TLE4: variants seen among roughly 807,000 people sequenced by gnomAD.
TLE4 encodes transducin-like enhancer protein 4.
TLE4 carries 8 observed loss-of-function variants against 92.8 expected under a neutral mutation model. The ratio of observed to expected loss-of-function variants is 0.09; its 90% CI spans 0.05 to 0.16. The LOEUF (loss-of-function observed/expected upper bound fraction) is 0.16. TLE4 is among the 10% of genes least tolerant of loss of function. TLE4 has a pLI of 1.00. For missense variants in TLE4, 675 were observed against 997.6 expected (o/e 0.68, Z 4.36); for synonymous variants, 371 against 374.1 (o/e 0.99, Z 0.10).
chr9:79,717,473 C>T (rs970601917), intron 14 of TLE4, among the ~76,000 whole-genome samples: 9 of 152,178 alleles, frequency 5.9e-5, no homozygotes, highest in African/African-American at 1.7e-4. Flanking sequence ...TCTTCTACAA[C>T]GCTCTGTAGT....
chr9:79,698,771 T>TG, intron 8 of TLE4, among the ~76,000 whole-genome samples: 1 of 151,952 alleles, frequency 6.6e-6, no homozygotes, highest in East Asian at 1.9e-4. Context: ...ATGTGTTATG[T>TG]GTTAGTATGT....
rs1239158278 is a variant in TLE4, at chr9:79,720,482, T to TA, written c.1838+194dup. 2.6e-5 allele frequency among the ~76,000 whole-genome samples: 4 copies of TA among 151,960 alleles called. No homozygotes were observed. In the East Asian group the frequency reaches 7.7e-4, roughly 29 times the overall value. On this transcript the variant is annotated intron_variant, in intron 16 of 19. Coordinates refer to ENST00000376552, the MANE Select transcript of TLE4 (RefSeq NM_007005.6). ...TCAGAACAGGTCCATTTTAAGATGT[T>TA]AAAAATAAATTATCAGTGTGAAAAT...
intron 8 of TLE4, among the ~76,000 whole-genome samples, chr9:79,666,217 G>GTT (rs1162655919): frequency 1.4e-4 from 9 of 65,636 alleles, no homozygotes; most frequent in African/African-American, 3.0e-4. Flanking sequence ...TTTTTTTTTT[G>GTT]TTTTTTTTTT....
chr9:79,627,536 G>T, intron 6 of TLE4, 88 bp downstream of exon 6: 1 of 1,346,840 alleles, frequency 7.4e-7, no homozygotes, highest in Non-Finnish European at 1.0e-6. Flanking sequence ...CCGCCAAAGG[G>T]GCAAAAAGCA....
chr9:79,713,170 G>A (rs1039902229), intron 14 of TLE4, among the ~76,000 whole-genome samples: 3 of 152,214 alleles, frequency 2.0e-5, no homozygotes, highest in African/African-American at 4.8e-5. Flanking sequence ...GGTACTGTGC[G>A]CGTGAGAGAT....
At chr9:79,650,001 G>GGCTGC in intron 6 of TLE4, 2 of 660,116 alleles carry the variant, frequency 3.0e-6, no homozygotes, top group Non-Finnish European at 4.4e-6. Context: ...CTGCAGCCAT[G>GGCTGC]ACCTCCCTGG....
chr9:79,664,318 A>T (rs1350597035), intron 8 of TLE4, among the ~76,000 whole-genome samples: 3 of 152,226 alleles, frequency 2.0e-5, no homozygotes, highest in African/African-American at 4.8e-5. Flanking sequence ...TATTGGGTTT[A>T]TTGGGTTGCC....
chr9:79,667,232 C>T (rs2061539949), intron 8 of TLE4, among the ~76,000 whole-genome samples: 1 of 152,104 alleles, frequency 6.6e-6, no homozygotes, highest in Non-Finnish European at 1.5e-5. Flanking sequence ...GTACCCAGCT[C>T]ATGGTGTAGA....
In TLE4 at chr9:79,592,044, G is replaced by A. The variant is rs539342040; in HGVS notation, c.252+15867G>A. 3.3e-5 allele frequency among the ~76,000 whole-genome samples: 5 copies of A among 152,232 alleles called. No homozygotes were observed. The East Asian group carries it at 7.7e-4, about 24-fold the overall frequency. On this transcript the variant is annotated intron_variant, in intron 4 of 19. Transcript: ENST00000376552. ...GACTTTGCCAGGCAGCCTTTTGTGG[G>A]CATGTGTTTTAGGAACTATTTGACG...
chr9:79,652,484 G>A (rs1462040581), intron 6 of TLE4, 109 bp from the exon 7 acceptor site: 2 of 1,252,782 alleles, frequency 1.6e-6, no homozygotes, highest in East Asian at 2.3e-5. Context: ...ACCGTGCCCA[G>A]CCGGTGTTGG....
intron 1 of TLE4, chr9:79,573,375 G>T (rs1248089633): frequency 8.6e-7 from 1 of 1,163,422 alleles, no homozygotes; most frequent in East Asian, 4.9e-5. Context: ...TTCCGGGTGA[G>T]GAGGGAGTGG....
At position 79,616,118 on chromosome 9, in the gene TLE4, C is replaced by A. The variant is rs561628678; in HGVS notation, c.315+3400C>A. On this transcript the variant is annotated intron_variant, in intron 5 of 19. Transcript: ENST00000376552. ...GGTAAACGGGAAGCTCTTTTCTTTCCCTATTTCGGTCTCATTTGCAGGGGA... is the reference window on the plus strand; with the variant it reads ...GGTAAACGGGAAGCTCTTTTCTTTCACTATTTCGGTCTCATTTGCAGGGGA... 8.5e-5 allele frequency among the ~76,000 whole-genome samples: 13 copies of A among 152,174 alleles called. No individual in the cohort carries two copies. In the East Asian group the frequency reaches 2.3e-3, roughly 27 times the overall value.
chr9:79,680,816 G>A (rs895656592), intron 8 of TLE4, among the ~76,000 whole-genome samples: 63 of 152,238 alleles, frequency 4.1e-4, no homozygotes, highest in South Asian at 3.1e-3. Flanking sequence ...TACCTAATTT[G>A]TTGAGAGTTT....
chr9:79,615,532 G>T (rs1382828564), intron 5 of TLE4, among the ~76,000 whole-genome samples: 1 of 152,048 alleles, frequency 6.6e-6, no homozygotes, highest in Admixed American at 6.6e-5. Flanking sequence ...GGAACAAGGG[G>T]TATATTTACA....
rs2076349229 is a variant in TLE4 at position 79,726,018 on chromosome 9, A to C, written c.*874A>C. 6.6e-6 allele frequency: 1 copy of C among 152,580 alleles called. No homozygotes were observed. The highest frequency in any genetic ancestry group is 1.9e-4 in the East Asian group (1 of 5,194). The allele number at this position is 152,580 out of a possible 1,614,324, so 9.5% of individuals were successfully genotyped here. A position where few individuals can be genotyped will look rare whatever the true frequency, so the allele number is the denominator to read the frequency against. Reference sequence around the variant, plus strand: ...TATATCTTTAGTCAGTTTTGTTGTTATGAGAAATTATGGGTTATTTTGTGG... The same window carrying C: ...TATATCTTTAGTCAGTTTTGTTGTTCTGAGAAATTATGGGTTATTTTGTGG... On this transcript the variant is annotated 3_prime_UTR_variant, in exon 20 of 20. Transcript: ENST00000376552.
chr9:79,620,189 A>G (rs1314627867), intron 5 of TLE4, among the ~76,000 whole-genome samples: 1 of 152,218 alleles, frequency 6.6e-6, no homozygotes, highest in Non-Finnish European at 1.5e-5. Flanking sequence ...TTAGATTATT[A>G]TTAGTGGAGC....
chr9:79,651,140 C>G (rs1419922063), intron 6 of TLE4, among the ~76,000 whole-genome samples: 2 of 151,590 alleles, frequency 1.3e-5, no homozygotes, highest in Admixed American at 6.6e-5. Flanking sequence ...GACTATTTGG[C>G]TATCACAGGT....
chr9:79,694,035 G>GAAT (rs1185737834), intron 8 of TLE4, among the ~76,000 whole-genome samples: 1 of 152,188 alleles, frequency 6.6e-6, no homozygotes, highest in Non-Finnish European at 1.5e-5. Context: ...GGACATGTTA[G>GAAT]AATAAGGGTC....
At chr9:79,617,146 T>C (rs555037150) in intron 5 of TLE4, among the ~76,000 whole-genome samples, 1 of 152,318 alleles carries the variant, frequency 6.6e-6, no homozygotes, top group South Asian at 2.1e-4. Flanking sequence ...TCAAACGAGC[T>C]GGCTGGCAGT....
Sources: allele counts gnomAD v4.1 joint callset (sites outside exome capture counted in the v4.1 genomes callset), GRCh38; gene constraint gnomAD v4.1.1; transcripts MANE v1.5; gene names NCBI Gene and HGNC (gene_info 2026-07-23, HGNC 2026-07-21).